The following FHIP1A variants were observed in gnomAD, a reference collection of about 807,000 sequenced individuals.
The protein encoded by FHIP1A is FHF complex subunit HOOK interacting protein 1A.
A neutral mutation model predicts 88.6 loss-of-function variants in FHIP1A; 61 were observed. That is an observed-to-expected ratio of 0.69 (90% CI 0.56 to 0.85). The LOEUF (loss-of-function observed/expected upper bound fraction) is 0.85, where lower values mean the gene tolerates loss of function less well. Ranked by LOEUF, FHIP1A falls within the 40% of genes least tolerant of loss-of-function variation. The pLI, the probability that FHIP1A is intolerant of heterozygous loss-of-function variation, is 0.00. For missense variants in FHIP1A, 1,154 were observed against 1,273.5 expected (o/e 0.91, Z 1.43); for synonymous variants, 478 against 496.0 (o/e 0.96, Z 0.48).
At chr4:151,547,367 A>G (rs181285745) in intron 3 of FHIP1A, among the ~76,000 whole-genome samples, 15 of 152,352 alleles carry the variant, frequency 9.8e-5, no homozygotes, top group Admixed American at 5.9e-4. Context: ...CTTAAGCTAT[A>G]AGATCATCTA....
intron 7 of FHIP1A, among the ~76,000 whole-genome samples, chr4:151,598,887 G>T (rs536388869): frequency 6.6e-6 from 1 of 152,072 alleles, no homozygotes; most frequent in South Asian, 2.1e-4. Context: ...GAACCACCTC[G>T]AGGCTATTTA....
At chr4:151,642,582 T>C (rs1736626544) in intron 9 of FHIP1A, among the ~76,000 whole-genome samples, 2 of 152,178 alleles carry the variant, frequency 1.3e-5, no homozygotes, top group Admixed American at 1.3e-4. Flanking sequence ...TTCACTAACA[T>C]TGCTTTGTAG....
intron 2 of FHIP1A, among the ~76,000 whole-genome samples, chr4:151,482,209 T>C (rs1729919712): frequency 6.6e-6 from 1 of 152,136 alleles, no homozygotes; most frequent in Non-Finnish European, 1.5e-5. Context: ...GACCCATGGA[T>C]ATGGATTTAT....
chr4:151,600,109 T>C (rs1734806577), intron 7 of FHIP1A, among the ~76,000 whole-genome samples: 1 of 152,226 alleles, frequency 6.6e-6, no homozygotes. Flanking sequence ...GATTGTGGGT[T>C]GAGCAATTTG....
At chr4:151,443,685 C>CTGTGTGTGTGTGGGTGTGTGTGTG (rs1728491355) in intron 1 of FHIP1A, among the ~76,000 whole-genome samples, 1 of 122,104 alleles carries the variant, frequency 8.2e-6, no homozygotes, top group Non-Finnish European at 1.7e-5. Context: ...ATGAAGCACT[C>CTGTGTGTGTGTGGGTGTGTGTGTG]TGTGTGTGTG....
chr4:151,515,510 A>G (rs1731198774), intron 3 of FHIP1A, among the ~76,000 whole-genome samples: 1 of 152,188 alleles, frequency 6.6e-6, no homozygotes, highest in African/African-American at 2.4e-5. Flanking sequence ...GAGGAAGTCA[A>G]ATTATCCCTG....
At chr4:151,587,203 A>G (rs908767330) in intron 6 of FHIP1A, among the ~76,000 whole-genome samples, 3 of 152,326 alleles carry the variant, frequency 2.0e-5, no homozygotes, top group African/African-American at 4.8e-5. Context: ...CGCATACTAC[A>G]TAAAGAATAT....
chr4:151,443,893 G>T (rs1244718324), intron 1 of FHIP1A, among the ~76,000 whole-genome samples: 1 of 152,052 alleles, frequency 6.6e-6, no homozygotes. Context: ...GAGATGTGTT[G>T]TCTGTCAATA....
At chr4:151,645,241 G>A (rs778162609) in intron 9 of FHIP1A, among the ~76,000 whole-genome samples, 35 of 152,102 alleles carry the variant, frequency 2.3e-4, no homozygotes, top group Non-Finnish European at 4.4e-4. Context: ...GATGAGGACC[G>A]CCTTACCTAG....
rs138033749 is a variant in FHIP1A, at chr4:151,451,897, T to C, written c.-355-2804T>C. On this transcript the variant is annotated intron_variant, in intron 1 of 13. Transcript: ENST00000435205. ...GTGCCATGGCACTCTCACGGCTCAT[T>C]ACAGCCTTGACCTCCTGGGCCCAAG... 3.1e-4 allele frequency among the ~76,000 whole-genome samples: 47 copies of C among 151,998 alleles called. 1 individual carries two copies. Among genetic ancestry groups the C allele is most frequent in the African/African-American group, 1.1e-3 (44 of 41,438 alleles).
intron 8 of FHIP1A, among the ~76,000 whole-genome samples, chr4:151,632,180 A>G (rs1436004933): frequency 1.3e-5 from 2 of 152,042 alleles, no homozygotes; most frequent in Admixed American, 6.6e-5. Context: ...TTTAAGATAA[A>G]GAGACAAAAA....
intron 5 of FHIP1A, among the ~76,000 whole-genome samples, chr4:151,584,191 C>T (rs1251566794): frequency 1.3e-5 from 2 of 152,144 alleles, no homozygotes; most frequent in Non-Finnish European, 2.9e-5. Context: ...CCCTCCTAGG[C>T]CCTCCCATGA....
At chr4:151,505,751 A>T (rs111764099) in intron 3 of FHIP1A, among the ~76,000 whole-genome samples, 366 of 152,350 alleles carry the variant, frequency 2.4e-3, no homozygotes, top group Non-Finnish European at 4.4e-3. Flanking sequence ...CTGAGAAGAA[A>T]GGATCACTTG....
At chr4:151,516,424 T>A (rs1166113148) in intron 3 of FHIP1A, among the ~76,000 whole-genome samples, 1 of 152,004 alleles carries the variant, frequency 6.6e-6, no homozygotes, top group Non-Finnish European at 1.5e-5. Flanking sequence ...CCAAAAGCAA[T>A]GGCAGCAAAA....
chr4:151,644,476 C>A (rs140882165), intron 9 of FHIP1A, among the ~76,000 whole-genome samples: 3 of 152,034 alleles, frequency 2.0e-5, no homozygotes, highest in Admixed American at 1.3e-4. Context: ...CTCAGCCTCC[C>A]GACTAGCTGG....
chr4:151,659,175 C>T (rs1196312265), intron 13 of FHIP1A, among the ~76,000 whole-genome samples: 1 of 152,196 alleles, frequency 6.6e-6, no homozygotes, highest in Non-Finnish European at 1.5e-5. Flanking sequence ...CACTCCAGGG[C>T]TCTGACCTGT....
chr4:151,580,588 A>G (rs978078079), intron 5 of FHIP1A, among the ~76,000 whole-genome samples: 1 of 152,218 alleles, frequency 6.6e-6, no homozygotes, highest in African/African-American at 2.4e-5. Context: ...ATATTTGCCT[A>G]CTGTGTGATC....
intron 2 of FHIP1A, among the ~76,000 whole-genome samples, chr4:151,476,050 C>T (rs1414984443): frequency 4.0e-5 from 6 of 151,188 alleles, no homozygotes; most frequent in African/African-American, 7.3e-5. Flanking sequence ...TTAGTAGAGA[C>T]GGGGTTTCAC....
chr4:151,502,280 G>A (rs1349070166), intron 3 of FHIP1A, among the ~76,000 whole-genome samples: 1 of 151,914 alleles, frequency 6.6e-6, no homozygotes, highest in Non-Finnish European at 1.5e-5. Flanking sequence ...TCGTACCACT[G>A]TGCTCTAGCC....
Sources: gnomAD v4.1 joint callset for allele counts (sites outside exome capture counted in the v4.1 genomes callset) on GRCh38, gnomAD v4.1.1 for gene constraint, MANE v1.5 for transcripts, NCBI Gene and HGNC (gene_info 2026-07-23, HGNC 2026-07-21) for gene names.